PIAS2: variants seen among roughly 807,000 people sequenced by gnomAD.
The protein encoded by PIAS2 is E3 SUMO-protein ligase PIAS2.
PIAS2 carries 19 observed loss-of-function variants against 69.7 expected under a neutral mutation model. The ratio of observed to expected loss-of-function variants is 0.27; its 90% confidence interval spans 0.19 to 0.40. The LOEUF is 0.40. Among genes scored for constraint, PIAS2 ranks in the 10% least tolerant of loss-of-function variants. The pLI is 1.00. For missense variants in PIAS2, 624 were observed against 757.0 expected, an observed-to-expected ratio of 0.82 and a Z score of 2.06; for synonymous variants, 261 against 263.2, an observed-to-expected ratio of 0.99 and a Z score of 0.08.
At chr18:46,864,976 T>C (rs2049211569) in intron 2 of PIAS2, among the ~76,000 whole-genome samples, 1 of 152,112 alleles carries the variant, frequency 6.6e-6, no homozygotes, top group African/African-American at 2.4e-5. Flanking sequence ...AAAACACTCA[T>C]ATAAGAAAAT....
At chr18:46,816,989 T>C (rs2041627364) in intron 12 of PIAS2, 2 of 929,498 alleles carry the variant, frequency 2.2e-6, no homozygotes, top group African/African-American at 3.6e-5. Flanking sequence ...GTCTAGCCCT[T>C]GTAATACCTT....
At chr18:46,813,051 T>C (rs1187316645) in intron 13 of PIAS2, among the ~76,000 whole-genome samples, 4 of 152,170 alleles carry the variant, frequency 2.6e-5, no homozygotes, top group Non-Finnish European at 2.9e-5. Flanking sequence ...CCGGTATGGA[T>C]TGAGTATCAA....
chr18:46,826,377 T>C (rs894791805), intron 11 of PIAS2, among the ~76,000 whole-genome samples: 12 of 152,316 alleles, frequency 7.9e-5, no homozygotes, highest in African/African-American at 2.9e-4. Context: ...GGGTAGACCC[T>C]TGTGGCATGC....
intron 1 of PIAS2, among the ~76,000 whole-genome samples, chr18:46,892,484 T>G (rs145797931): frequency 6.6e-6 from 1 of 152,020 alleles, no homozygotes; most frequent in African/African-American, 2.4e-5. Context: ...TTAAAAAAAC[T>G]AATTTAGGCC....
At chr18:46,832,275 C>G (rs760107061) in intron 9 of PIAS2, among the ~76,000 whole-genome samples, 1 of 151,888 alleles carries the variant, frequency 6.6e-6, no homozygotes, top group Non-Finnish European at 1.5e-5. Flanking sequence ...ATTAGCCAGG[C>G]GTGGTGGCGC....
At chr18:46,846,862 A>T in intron 5 of PIAS2, 21 bp from the exon 6 acceptor site, 3 of 1,531,094 alleles carry the variant, frequency 2.0e-6, no homozygotes, top group Non-Finnish European at 2.6e-6. Context: ...AAGAAAGAAA[A>T]ATTATTTCAA....
At position 46,806,590 on chromosome 18, in the gene PIAS2, A is replaced by G. The variant is rs1372090026; in HGVS notation, c.*5843T>C. 1.3e-5 allele frequency: 2 copies of G among 152,010 alleles called. No individual in the cohort carries two copies. The highest frequency in any genetic ancestry group is 4.8e-5 in the African/African-American group (2 of 41,382). 9.4% of individuals were successfully genotyped at this position (152,010 alleles called of 1,614,324 possible). A position where few individuals can be genotyped will look rare whatever the true frequency, so the allele number is the denominator to read the frequency against. On this transcript the variant is annotated 3_prime_UTR_variant, in exon 14 of 14. Coordinates refer to ENST00000585916, the MANE Select transcript of PIAS2 (RefSeq NM_004671.5). Reference sequence around the variant, plus strand: ...AGGCTGGTCTCAAACTCCTGGCCTCAAGTGATTTGCCTGCCTTGGCTTCCC... The same window carrying G: ...AGGCTGGTCTCAAACTCCTGGCCTCGAGTGATTTGCCTGCCTTGGCTTCCC...
At chr18:46,839,978 T>C (rs2045103065) in intron 8 of PIAS2, among the ~76,000 whole-genome samples, 1 of 151,380 alleles carries the variant, frequency 6.6e-6, no homozygotes, top group African/African-American at 2.4e-5. Flanking sequence ...CTGACCAACA[T>C]GGTGAAACCC....
intron 2 of PIAS2, among the ~76,000 whole-genome samples, chr18:46,878,786 A>G (rs2051683613): frequency 6.6e-6 from 1 of 152,218 alleles, no homozygotes; most frequent in African/African-American, 2.4e-5. Flanking sequence ...CAGAATCACT[A>G]GAACCCGGGA....
chr18:46,870,789 G>T (rs1466892985), intron 2 of PIAS2, among the ~76,000 whole-genome samples: 1 of 152,060 alleles, frequency 6.6e-6, no homozygotes, highest in Non-Finnish European at 1.5e-5. Context: ...TGATCCAAAG[G>T]GTTGCTATGG....
In PIAS2 at chr18:46,876,814, A is replaced by G. The variant is rs947964719; in HGVS notation, c.500-12566T>C. Among the ~76,000 whole-genome samples, 4 of 151,262 alleles carry G rather than the reference A, an allele frequency of 2.6e-5. No homozygotes were observed. In the South Asian group the frequency reaches 8.3e-4, roughly 31 times the overall value. ...CGGGTTCACACCATTCTCCCGCCTC[A>G]GCCTCCCGAGTAGCTGGGACTACAG... is the stretch of plus-strand genomic sequence containing the variant. On this transcript the variant is annotated intron_variant, in intron 2 of 13. Coordinates refer to ENST00000585916, the MANE Select transcript of PIAS2 (RefSeq NM_004671.5).
At chr18:46,875,455 A>C (rs2051021542) in intron 2 of PIAS2, among the ~76,000 whole-genome samples, 1 of 152,198 alleles carries the variant, frequency 6.6e-6, no homozygotes, top group Non-Finnish European at 1.5e-5. Context: ...ACAATGGCCC[A>C]AGAACCCTCC....
chr18:46,847,601 C>T (rs2046343570), intron 5 of PIAS2, among the ~76,000 whole-genome samples: 1 of 151,916 alleles, frequency 6.6e-6, no homozygotes, highest in Admixed American at 6.6e-5. Context: ...CCTGTCTCAG[C>T]CTCCTGAGTA....
chr18:46,879,083 C>A (rs1394651941), intron 2 of PIAS2, among the ~76,000 whole-genome samples: 17 of 152,116 alleles, frequency 1.1e-4, no homozygotes, highest in Admixed American at 1.1e-3. Context: ...TTTCTAAGAT[C>A]CTGAGCTATC....
chr18:46,821,008 T>A lies in PIAS2; in HGVS notation c.1573A>T (p.Ile525Phe). ...GAGTAGTCTGTTAATGAAGGCGGAA[T>A]AGCAGCAGGATCAACCGAAGTCACA... ...PSVTSVDPAA[I>F]PPSLTDYSVP... The change falls in exon 12 of 14, where the codon ATT becomes TTT. Residue 525 changes from isoleucine to phenylalanine, a missense_variant. Around this residue, in one of 3 missense-constraint regions of PIAS2, gnomAD observed 241 missense variants for 257.3 expected, o/e 0.94. Transcript: ENST00000585916. 1 of 1,613,572 alleles carries A rather than the reference T, an allele frequency of 6.2e-7. No individual in the cohort carries two copies.
chr18:46,881,377 G>A (rs1038984746), intron 2 of PIAS2, among the ~76,000 whole-genome samples: 13 of 152,054 alleles, frequency 8.5e-5, no homozygotes, highest in Non-Finnish European at 1.9e-4. Context: ...AAACTTTGGT[G>A]TATGTAATGG....
chr18:46,877,900 A>C (rs1357130682), intron 2 of PIAS2, among the ~76,000 whole-genome samples: 2 of 152,102 alleles, frequency 1.3e-5, no homozygotes, highest in East Asian at 3.8e-4. Context: ...GCTTTACACC[A>C]CTATGTTTTG....
intron 5 of PIAS2, among the ~76,000 whole-genome samples, chr18:46,847,055 A>G (rs1302750040): frequency 6.6e-6 from 1 of 152,212 alleles, no homozygotes; most frequent in Admixed American, 6.5e-5. Flanking sequence ...GAAAGGTAGG[A>G]AAAAAATCCA....
intron 1 of PIAS2, among the ~76,000 whole-genome samples, chr18:46,911,564 A>C (rs2057272040): frequency 6.6e-6 from 1 of 152,166 alleles, no homozygotes; most frequent in South Asian, 2.1e-4. Flanking sequence ...ACAGAAGTGA[A>C]GTTTCTCTAT....
Sources: gnomAD v4.1 joint callset for allele counts (sites outside exome capture counted in the v4.1 genomes callset) on GRCh38, gnomAD v4.1.1 for gene constraint, gnomAD v4.1.1 regional missense constraint, MANE v1.5 for transcripts, NCBI Gene and HGNC (gene_info 2026-07-23, HGNC 2026-07-21) for gene names.